The following CTDP1 variants were observed in gnomAD, a reference collection of about 807,000 sequenced individuals.
The protein encoded by CTDP1 is CTD phosphatase 1, also known as RNA polymerase II subunit A C-terminal domain phosphatase.
In CTDP1, 47 loss-of-function variants were observed where a neutral mutation model predicts 91.8. The ratio of observed to expected loss-of-function variants is 0.51; its 90% CI spans 0.41 to 0.65. The LOEUF (loss-of-function observed/expected upper bound fraction) is 0.65. Among genes scored for constraint, CTDP1 ranks in the 30% least tolerant of loss-of-function variants. The probability of loss-of-function intolerance (pLI) is 0.00; values close to 1 mark genes in which losing one functional copy is unlikely to be tolerated. For missense variants in CTDP1, 1,272 were observed against 1,373.7 expected, an observed-to-expected ratio of 0.93 and a Z score of 1.17; for synonymous variants, 656 against 598.5, an observed-to-expected ratio of 1.10 and a Z score of -1.40.
chr18:79,738,048 C>A (rs1274059944), intron 12 of CTDP1, among the ~76,000 whole-genome samples: 1 of 151,732 alleles, frequency 6.6e-6, no homozygotes, highest in Non-Finnish European at 1.5e-5. Flanking sequence ...TGCTCACCGC[C>A]CCCGGGAGTT....
rs1241764350 is a variant in CTDP1 at position 79,679,909 on chromosome 18, C to A, written c.-39C>A. ...TAGGCGCTGCGCTCTGAGCGCAGCG[C>A]AGGCCCCGTACCGACCGCCCGCCCG... On this transcript the variant is annotated 5_prime_UTR_variant, in exon 1 of 13. Transcript: ENST00000613122. The A allele has an allele frequency of 7.3e-7, 1 of 1,370,054 alleles. No homozygotes were observed. The highest frequency in any genetic ancestry group is 9.4e-7 in the Non-Finnish European group (1 of 1,060,828). 84.9% of individuals were successfully genotyped at this position (1,370,054 alleles called of 1,614,324 possible).
intron 6 of CTDP1, among the ~76,000 whole-genome samples, chr18:79,711,439 G>A (rs1323989932): frequency 6.6e-6 from 1 of 152,178 alleles, no homozygotes; most frequent in Non-Finnish European, 1.5e-5. Flanking sequence ...CTCAGCGACT[G>A]GACTTTCGGG....
At chr18:79,684,639 C>T (rs977488440) in intron 1 of CTDP1, among the ~76,000 whole-genome samples, 4 of 149,170 alleles carry the variant, frequency 2.7e-5, no homozygotes, top group Middle Eastern at 3.2e-3. Context: ...AAGGTGGGTC[C>T]GTGCCCTCGT....
chr18:79,753,607 G>A (rs2122921164), intron 12 of CTDP1, 45 bp from the exon 13 acceptor site: 1 of 1,613,948 alleles, frequency 6.2e-7, no homozygotes, highest in South Asian at 1.1e-5. Context: ...ACCCGGCGTT[G>A]TGCGTTTGCC....
chr18:79,739,769 C>T (rs188691202), intron 12 of CTDP1, among the ~76,000 whole-genome samples: 1 of 151,534 alleles, frequency 6.6e-6, no homozygotes, highest in African/African-American at 2.4e-5. Context: ...CCTTCATACC[C>T]GCCGCCAGGA....
chr18:79,744,809 C>T (rs56108499), intron 12 of CTDP1, among the ~76,000 whole-genome samples: 70,417 of 151,956 alleles, frequency 0.46, 16,503 homozygotes, highest in East Asian at 0.57. Flanking sequence ...TGGGGGGCGT[C>T]GTGGGAGGAT....
At position 79,680,179 on chromosome 18, in the gene CTDP1, C is replaced by G; in HGVS notation, c.232C>G (p.Arg78Gly). 1 of 1,381,940 alleles carries G rather than the reference C, an allele frequency of 7.2e-7. No homozygotes were observed. The highest frequency in any genetic ancestry group is 9.3e-7 in the Non-Finnish European group (1 of 1,073,842). 85.6% of individuals were successfully genotyped at this position (1,381,940 alleles called of 1,614,324 possible). Residue 78 changes from arginine to glycine, a missense_variant, in exon 1 of 13, where the codon CGG becomes GGG. Transcript: ENST00000613122. The part of the protein sequence containing the change: ...VASGGCVRPA[R>G]PERRLRSERA... ...CTCCGGGGGCTGCGTGCGCCCCGCGCGGCCGGAACGCAGGCTGAGGTCGGA... is the reference window on the plus strand; with the variant it reads ...CTCCGGGGGCTGCGTGCGCCCCGCGGGGCCGGAACGCAGGCTGAGGTCGGA...
At chr18:79,734,355 G>T (rs149904894) in intron 11 of CTDP1, among the ~76,000 whole-genome samples, 1 of 152,250 alleles carries the variant, frequency 6.6e-6, no homozygotes, top group African/African-American at 2.4e-5. Flanking sequence ...GGTAGGTGTC[G>T]TTCCCACATC....
chr18:79,717,388 T>G, intron 8 of CTDP1, 147 bp from the exon 9 acceptor site: 1 of 1,147,752 alleles, frequency 8.7e-7, no homozygotes, highest in Non-Finnish European at 1.2e-6. Flanking sequence ...TGCAGTCAGG[T>G]GAAGGCCCTG....
At chr18:79,684,215 T>G (rs1256701930) in intron 1 of CTDP1, among the ~76,000 whole-genome samples, 1 of 152,182 alleles carries the variant, frequency 6.6e-6, no homozygotes, top group East Asian at 1.9e-4. Flanking sequence ...ATGTTGCTTG[T>G]ACATGTGCAG....
chr18:79,738,475 G>A (rs184368011), intron 12 of CTDP1, among the ~76,000 whole-genome samples: 4 of 152,348 alleles, frequency 2.6e-5, no homozygotes, highest in East Asian at 3.9e-4. Flanking sequence ...CGCCAGCCTC[G>A]GAGGAGCTGC....
intron 12 of CTDP1, among the ~76,000 whole-genome samples, chr18:79,739,513 G>A (rs2086732716): frequency 6.6e-6 from 1 of 152,092 alleles, no homozygotes; most frequent in South Asian, 2.1e-4. Flanking sequence ...GACCCTCCCT[G>A]GTGAAACCAC....
chr18:79,731,461 G>C (rs1018150469), intron 11 of CTDP1, among the ~76,000 whole-genome samples: 1 of 152,138 alleles, frequency 6.6e-6, no homozygotes, highest in African/African-American at 2.4e-5. Flanking sequence ...TTGGGAACTC[G>C]CGCCTGGTCA....
intron 10 of CTDP1, among the ~76,000 whole-genome samples, chr18:79,720,652 G>C (rs1464739751): frequency 6.6e-6 from 1 of 152,252 alleles, no homozygotes; most frequent in African/African-American, 2.4e-5. Flanking sequence ...TGTCGTTTCA[G>C]GTCTTTAGAA....
At chr18:79,720,868 C>G (rs1374434473) in intron 10 of CTDP1, among the ~76,000 whole-genome samples, 1 of 152,196 alleles carries the variant, frequency 6.6e-6, no homozygotes, top group African/African-American at 2.4e-5. Flanking sequence ...CACTGTCCAG[C>G]TTGGCCACAG....
At chr18:79,679,401 G>C (rs982613266), upstream of CTDP1, 3 of 455,928 alleles carry the variant, frequency 6.6e-6, no homozygotes, top group Non-Finnish European at 1.3e-5. Context: ...CACAGTGCGC[G>C]ATGGGAGTGG....
upstream of CTDP1, chr18:79,679,521 TC>T: frequency 2.2e-6 from 1 of 458,376 alleles, no homozygotes; most frequent in Middle Eastern, 3.3e-4. Context: ...GGACTCGTAG[TC>T]CCGCCATGCT....
At chr18:79,743,936 C>T (rs1249987381) in intron 12 of CTDP1, among the ~76,000 whole-genome samples, 1 of 151,900 alleles carries the variant, frequency 6.6e-6, no homozygotes, top group African/African-American at 2.4e-5. Context: ...TCTATCCAAC[C>T]TCCCGCCCAT....
chr18:79,722,332 C>T (rs1242727017), intron 10 of CTDP1, among the ~76,000 whole-genome samples: 1 of 152,186 alleles, frequency 6.6e-6, no homozygotes, highest in Non-Finnish European at 1.5e-5. Flanking sequence ...TCGAATGGCA[C>T]GTCATAAACA....
Sources: allele counts gnomAD v4.1 joint callset (sites outside exome capture counted in the v4.1 genomes callset), GRCh38; gene constraint gnomAD v4.1.1; transcripts MANE v1.5; gene names NCBI Gene and HGNC (gene_info 2026-07-23, HGNC 2026-07-21).